SLC30A5: variants seen among roughly 807,000 people sequenced by gnomAD.
The protein encoded by SLC30A5 is proton-coupled zinc antiporter SLC30A5.
A neutral mutation model predicts 79.6 loss-of-function variants in SLC30A5; 33 were observed. That is an observed-to-expected ratio of 0.41 (90% CI 0.31 to 0.55). The LOEUF (loss-of-function observed/expected upper bound fraction) is 0.55, where lower values mean the gene tolerates loss of function less well. Among genes scored for constraint, SLC30A5 ranks in the 20% least tolerant of loss-of-function variants. SLC30A5 has a pLI of 0.20. For synonymous variants in SLC30A5, 299 were observed against 319.7 expected (o/e 0.94, Z 0.69); for missense variants, 788 against 928.1 (o/e 0.85, Z 1.96).
chr5:69,115,482 T>A lies in SLC30A5; in HGVS notation c.783+75T>A, dbSNP rs553414977. 8.3e-4 allele frequency: 964 copies of A among 1,158,750 alleles called. 2 individuals carry two copies. Among genetic ancestry groups the A allele is most frequent in the Non-Finnish European group, 8.6e-4 (706 of 824,478 alleles). 71.8% of individuals were successfully genotyped at this position (1,158,750 alleles called of 1,614,324 possible). The stretch of plus-strand genomic sequence containing the variant: ...TTGCTATTAAATTTTTAGTTCACTG[T>A]ATTCAATAAATTATATTTTAATTTG... On this transcript the variant is annotated intron_variant, in intron 8 of 15. Transcript: ENST00000396591.
intron 14 of SLC30A5, among the ~76,000 whole-genome samples, chr5:69,125,870 CAAAAAAAAAAAAAAAA>C: frequency 1.8e-5 from 1 of 54,198 alleles, no homozygotes; most frequent in Admixed American, 2.4e-4. Flanking sequence ...GACTCCGTCT[CAAAAAAAAAAAAAAAA>C]AAAAAAAAAA....
rs1249699797 is a variant in SLC30A5, at chr5:69,118,619, C to G, written c.1560C>G (p.His520Gln). Residue 520 changes from histidine to glutamine, a missense_variant, in exon 12 of 16, where the codon CAC becomes CAG. Coordinates refer to ENST00000396591, the MANE Select transcript of SLC30A5 (RefSeq NM_022902.5). Reference protein sequence around the residue: ...RLIDPPELDTHMLTPVSVGGL... With the variant: ...RLIDPPELDTQMLTPVSVGGL... ...TTGATCCTCCAGAATTAGACACTCACATGTTAACAGTAAGTCTTTTTATTT... is the reference window on the plus strand; with the variant it reads ...TTGATCCTCCAGAATTAGACACTCAGATGTTAACAGTAAGTCTTTTTATTT... The G allele has an allele frequency of 3.2e-6, 5 of 1,582,566 alleles. No individual in the cohort carries two copies. The African/African-American group carries it at 5.5e-5, about 17-fold the overall frequency.
Position 69,114,875 on chromosome 5 carries a change from A to T in SLC30A5, c.613-362A>T, listed in dbSNP as rs185129196. ...AGCGAAACTCTGTCTCAAAAAAAATAAAATAAAATAATTATCAGTAAGTTA... is the reference window on the plus strand; with the variant it reads ...AGCGAAACTCTGTCTCAAAAAAAATTAAATAAAATAATTATCAGTAAGTTA... On this transcript the variant is annotated intron_variant, in intron 7 of 15. Coordinates refer to ENST00000396591, the MANE Select transcript of SLC30A5 (RefSeq NM_022902.5). 8.1e-4 allele frequency among the ~76,000 whole-genome samples: 124 copies of T among 152,348 alleles called. No individual in the cohort carries two copies. The Middle Eastern group carries it at 0.014, about 17-fold the overall frequency.
chr5:69,108,174 A>G (rs1746137483), intron 4 of SLC30A5, among the ~76,000 whole-genome samples, 175 bp from the exon 5 acceptor site: 1 of 152,242 alleles, frequency 6.6e-6, no homozygotes, highest in Non-Finnish European at 1.5e-5. Flanking sequence ...TGTAGCTTCA[A>G]TCTTTCTAAG....
chr5:69,116,795 C>T lies in SLC30A5; in HGVS notation c.1281+193C>T, dbSNP rs1221711758. Among the ~76,000 whole-genome samples, 3 of 152,070 alleles carry T rather than the reference C, an allele frequency of 2.0e-5. No homozygotes were observed. Among genetic ancestry groups the T allele is most frequent in the Non-Finnish European group, 2.9e-5 (2 of 68,010 alleles). ...AGGCAATCCTTAAGGCATGTGCCAC[C>T]GTGCCCAGCCACTTAAGCAAACAAT... On this transcript the variant is annotated intron_variant, in intron 10 of 15. Coordinates refer to ENST00000396591, the MANE Select transcript of SLC30A5 (RefSeq NM_022902.5). The surrounding 1 kb of genome is among the most constrained non-coding windows in gnomAD (Gnocchi z 4.0).
intron 3 of SLC30A5, chr5:69,104,362 G>A: frequency 4.0e-6 from 3 of 741,794 alleles, no homozygotes; most frequent in Non-Finnish European, 5.5e-6. Flanking sequence ...GCCTGGTCTT[G>A]AACTCCTGAC....
At chr5:69,117,534 G>A in intron 11 of SLC30A5, 138 bp downstream of exon 11, 2 of 742,844 alleles carry the variant, frequency 2.7e-6, no homozygotes, top group South Asian at 4.3e-5. Flanking sequence ...TAAATAAGGG[G>A]ATGTGAATCG....
At chr5:69,111,265 T>A (rs1295491355) in intron 5 of SLC30A5, among the ~76,000 whole-genome samples, 1 of 151,802 alleles carries the variant, frequency 6.6e-6, no homozygotes, top group Non-Finnish European at 1.5e-5. Flanking sequence ...GTGCTGAGAT[T>A]ACAGGTGTGA....
In SLC30A5 at chr5:69,108,639, T is replaced by C. The variant is rs541283539; in HGVS notation, c.447+203T>C. Reference sequence around the variant, plus strand: ...GAGCTTGAGACCAGCCTAGCCAACGTGGTGAAATTCCATCTCCACTAAAAA... The same window carrying C: ...GAGCTTGAGACCAGCCTAGCCAACGCGGTGAAATTCCATCTCCACTAAAAA... On this transcript the variant is annotated intron_variant, in intron 5 of 15. Transcript: ENST00000396591. 9.2e-5 allele frequency among the ~76,000 whole-genome samples: 14 copies of C among 152,212 alleles called. No individual in the cohort carries two copies. The East Asian group carries it at 2.7e-3, about 29-fold the overall frequency.
At chr5:69,126,538 G>A (rs1003307511) in intron 14 of SLC30A5, among the ~76,000 whole-genome samples, 13 of 152,010 alleles carry the variant, frequency 8.6e-5, no homozygotes, top group Admixed American at 2.0e-4. Context: ...CGAGGCGGGC[G>A]GATCACAAGG....
At chr5:69,113,809 C>A (rs1031641413) in intron 6 of SLC30A5, among the ~76,000 whole-genome samples, 1 of 152,136 alleles carries the variant, frequency 6.6e-6, no homozygotes, top group Non-Finnish European at 1.5e-5. Flanking sequence ...AGTTTTTATT[C>A]TTCTATTACT....
intron 12 of SLC30A5, 64 bp from the exon 13 acceptor site, chr5:69,121,630 C>A: frequency 8.4e-7 from 1 of 1,183,548 alleles, no homozygotes; most frequent in Non-Finnish European, 1.2e-6. Flanking sequence ...TATATAATAA[C>A]TTTTAAATAA....
intron 6 of SLC30A5, 21 bp from the exon 7 acceptor site, chr5:69,114,399 C>G (rs770321798): frequency 9.2e-6 from 14 of 1,518,920 alleles, no homozygotes; most frequent in Non-Finnish European, 1.3e-5. Context: ...GAATTTTTTT[C>G]CTTTACTTCA....
rs973973291 is a variant in SLC30A5, at chr5:69,094,222, A to T, written c.-34A>T. ...CGGCGAGACATGAGGAGACCCCGCG[A>T]CAGGGGCAGCGGCGGCGGCTCGTGA... is the stretch of plus-strand genomic sequence containing the variant. On this transcript the variant is annotated 5_prime_UTR_variant, in exon 1 of 16. Coordinates refer to ENST00000396591, the MANE Select transcript of SLC30A5 (RefSeq NM_022902.5). 9.0e-7 allele frequency: 1 copy of T among 1,114,700 alleles called. No individual in the cohort carries two copies. Among genetic ancestry groups the T allele is most frequent in the African/African-American group, 1.6e-5 (1 of 61,786 alleles). The allele number at this position is 1,114,700 out of a possible 1,614,324, so 69.1% of individuals were successfully genotyped here. A position where few individuals can be genotyped will look rare whatever the true frequency, so the allele number is the denominator to read the frequency against.
chr5:69,107,143 A>G (rs1554053000), intron 4 of SLC30A5, among the ~76,000 whole-genome samples: 1 of 152,174 alleles, frequency 6.6e-6, no homozygotes, highest in South Asian at 2.1e-4. Flanking sequence ...GATTACAGGC[A>G]TGAGCCACTG....
intron 2 of SLC30A5, among the ~76,000 whole-genome samples, chr5:69,101,817 C>T (rs1395272027): frequency 1.3e-5 from 2 of 150,654 alleles, no homozygotes; most frequent in African/African-American, 4.9e-5. Flanking sequence ...ATTAGCCAAG[C>T]GTGGTGGCAT....
At chr5:69,105,189 G>A (rs999348905) in intron 4 of SLC30A5, among the ~76,000 whole-genome samples, 2 of 152,140 alleles carry the variant, frequency 1.3e-5, no homozygotes, top group African/African-American at 4.8e-5. Context: ...GGTGGATAAA[G>A]TAAACTACTC....
At chr5:69,129,317 T>C in intron 15 of SLC30A5, 130 bp from the exon 16 acceptor site, 1 of 618,138 alleles carries the variant, frequency 1.6e-6, no homozygotes, top group Non-Finnish European at 2.6e-6. Context: ...TTTCAGATTT[T>C]AGAGCGTCTC....
intron 15 of SLC30A5, 98 bp downstream of exon 15, chr5:69,128,230 G>A: frequency 3.2e-6 from 2 of 622,488 alleles, no homozygotes; most frequent in East Asian, 4.2e-5. Flanking sequence ...TTACTATTCA[G>A]AAATATCAAT....
Sources: gnomAD v4.1 joint callset for allele counts (sites outside exome capture counted in the v4.1 genomes callset) on GRCh38, gnomAD v4.1.1 for gene constraint, Gnocchi (gnomAD v3.1) non-coding constraint, MANE v1.5 for transcripts, NCBI Gene and HGNC (gene_info 2026-07-23, HGNC 2026-07-21) for gene names.